UNC80: variants seen among roughly 807,000 people sequenced by gnomAD.
UNC80 encodes the protein unc-80 subunit of NALCN channel complex.
Under a neutral mutation model 384.6 loss-of-function variants are expected in UNC80, and 164 were observed. That is an observed-to-expected ratio of 0.43 (90% CI 0.38 to 0.49). The LOEUF (loss-of-function observed/expected upper bound fraction) is 0.49. UNC80 is among the 20% of genes least tolerant of loss of function. UNC80 has a pLI of 0.00. For missense variants in UNC80, 3,330 were observed against 4,143.0 expected (o/e 0.80, Z 5.39); for synonymous variants, 1,486 against 1,527.8 (o/e 0.97, Z 0.64).
chr2:209,976,306 G>A lies in UNC80; in HGVS notation c.8772+3G>A, dbSNP rs2093011922. On this transcript the variant is annotated splice_donor_region_variant and intron_variant, in intron 57 of 64. Coordinates refer to ENST00000673920, the MANE Select transcript of UNC80 (RefSeq NM_001371986.1). This position sits in a 1 kb window ranked among gnomAD's most constrained non-coding sequence, Gnocchi z 4.3. ...TGCGCCCTTTCATCCAGTGCAAGGT[G>A]TGGTGTGTGCTTCTCCTCCTGAAAG... is the stretch of plus-strand genomic sequence containing the variant. The A allele has an allele frequency of 6.4e-7, 1 of 1,551,658 alleles. No homozygotes were observed. The highest frequency in any genetic ancestry group is 8.7e-7 in the Non-Finnish European group (1 of 1,147,026).
intron 22 of UNC80, among the ~76,000 whole-genome samples, chr2:209,856,712 G>C (rs1172469819): frequency 6.6e-6 from 1 of 151,742 alleles, no homozygotes; most frequent in Non-Finnish European, 1.5e-5. Flanking sequence ...TCAAATGTCA[G>C]GTGTCCTTAT....
chr2:209,829,737 G>A (rs1337981127), intron 15 of UNC80, among the ~76,000 whole-genome samples: 48 of 152,044 alleles, frequency 3.2e-4, no homozygotes, highest in Admixed American at 3.0e-3. Context: ...TTAGTTCAAC[G>A]GATGTGAAAT....
intron 18 of UNC80, among the ~76,000 whole-genome samples, chr2:209,836,580 T>C (rs961094654): frequency 6.6e-6 from 1 of 152,232 alleles, no homozygotes; most frequent in Admixed American, 6.5e-5. Flanking sequence ...CATGTTTCAA[T>C]ATGCCTCTAC....
At chr2:209,969,487 C>G (rs911415199) in intron 52 of UNC80, 1 of 429,226 alleles carries the variant, frequency 2.3e-6, no homozygotes, top group Non-Finnish European at 4.2e-6. Flanking sequence ...AGTCTTAGGA[C>G]CCTCTGTCAA....
chr2:209,976,772 C>A lies in UNC80; in HGVS notation c.8773-141C>A. 1 of 930,144 alleles carries A rather than the reference C, an allele frequency of 1.1e-6. No homozygotes were observed. Among genetic ancestry groups the A allele is most frequent in the Non-Finnish European group, 1.6e-6 (1 of 644,320 alleles). 57.6% of individuals were successfully genotyped at this position (930,144 alleles called of 1,614,324 possible). A position where few individuals can be genotyped will look rare whatever the true frequency, so the allele number is the denominator to read the frequency against. On this transcript the variant is annotated intron_variant, in intron 57 of 64. Transcript: ENST00000673920. This position sits in a 1 kb window ranked among gnomAD's most constrained non-coding sequence, Gnocchi z 4.3. Reference sequence around the variant, plus strand: ...GATTTAAAACGATGTAATTATTAAGCACTTCCTGTGTAAAGTGCCGTTCTA... The same window carrying A: ...GATTTAAAACGATGTAATTATTAAGAACTTCCTGTGTAAAGTGCCGTTCTA...
chr2:209,796,304 A>G (rs573417190), intron 7 of UNC80: 2 of 152,190 alleles, frequency 1.3e-5, no homozygotes, highest in Admixed American at 1.3e-4. Flanking sequence ...CTGTACCCCC[A>G]TTGTATCTAG....
intron 61 of UNC80, among the ~76,000 whole-genome samples, chr2:209,991,443 A>C (rs527313734): frequency 1.5e-4 from 23 of 152,260 alleles, no homozygotes; most frequent in Non-Finnish European, 2.4e-4. Context: ...CATTTTTTGC[A>C]TACAAAAGAC....
chr2:209,793,326 A>G (rs1468339712), intron 6 of UNC80, among the ~76,000 whole-genome samples: 7 of 152,210 alleles, frequency 4.6e-5, no homozygotes, highest in Admixed American at 3.9e-4. Context: ...TCTGGCTTCA[A>G]TCTGATTAGG....
chr2:209,850,287 T>G (rs1263656329), intron 22 of UNC80, among the ~76,000 whole-genome samples: 1 of 152,138 alleles, frequency 6.6e-6, no homozygotes, highest in Non-Finnish European at 1.5e-5. Flanking sequence ...TTTATTTATC[T>G]TTATTTATAA....
At chr2:209,877,699 CTT>C (rs2084905668) in intron 23 of UNC80, among the ~76,000 whole-genome samples, 1 of 152,090 alleles carries the variant, frequency 6.6e-6, no homozygotes, top group Non-Finnish European at 1.5e-5. Context: ...TTCAGAAAAA[CTT>C]TTGTACAAAT....
At chr2:209,992,777 C>G (rs1370121791) in intron 62 of UNC80, among the ~76,000 whole-genome samples, 1 of 152,184 alleles carries the variant, frequency 6.6e-6, no homozygotes. Context: ...TTTCTCATTT[C>G]AAGATTATTT....
At chr2:209,909,854 G>C (rs1326785820) in intron 29 of UNC80, among the ~76,000 whole-genome samples, 1 of 151,980 alleles carries the variant, frequency 6.6e-6, no homozygotes, top group Non-Finnish European at 1.5e-5. Context: ...GACAGAGCAT[G>C]AGGCTGCATA....
intron 45 of UNC80, 107 bp from the exon 46 acceptor site, chr2:209,944,944 A>AT (rs2091841399): frequency 8.0e-7 from 1 of 1,254,250 alleles, no homozygotes; most frequent in African/African-American, 1.5e-5. Context: ...TTCCAGGTAG[A>AT]TGTTGTACTT....
At chr2:209,935,237 C>A (rs150943565) in intron 39 of UNC80, among the ~76,000 whole-genome samples, 205 of 152,206 alleles carry the variant, frequency 1.3e-3, no homozygotes, top group African/African-American at 4.7e-3. Context: ...TTCTCTTTTT[C>A]CTCATTTGTA....
intron 4 of UNC80, among the ~76,000 whole-genome samples, chr2:209,778,425 CT>C (rs2153824735): frequency 6.6e-6 from 1 of 152,204 alleles, no homozygotes; most frequent in South Asian, 2.1e-4. Context: ...TAAGTTTTAA[CT>C]TTTTATGTTC....
chr2:209,995,393 C>T lies in UNC80; in HGVS notation c.9773C>T (p.Ala3258Val), dbSNP rs1183843096. ...EEDTEAQGAT[A>V]HSPLSAQLSD... ...GACACAGAAGCACAAGGTGCTACTG[C>T]ACACAGTCCACTCTCTGCCCAACTC... The change falls in exon 65 of 65, where the codon GCA becomes GTA. Residue 3258 changes from alanine (A) to valine (V), a missense_variant. Ala to Val is a moderately conservative substitution (Grantham distance 64). Coordinates refer to ENST00000673920, the MANE Select transcript of UNC80 (RefSeq NM_001371986.1). 2 of 1,552,048 alleles carry T rather than the reference C, an allele frequency of 1.3e-6. No homozygotes were observed. The highest frequency in any genetic ancestry group is 2.4e-5 in the East Asian group (1 of 40,918).
At chr2:209,974,359 A>G (rs763585001) in intron 56 of UNC80, among the ~76,000 whole-genome samples, 9 of 152,256 alleles carry the variant, frequency 5.9e-5, no homozygotes, top group Non-Finnish European at 1.2e-4. Flanking sequence ...ATACAAAAGT[A>G]GAATTCAAAT....
At chr2:209,924,113 G>A (rs949311511) in intron 35 of UNC80, among the ~76,000 whole-genome samples, 3 of 151,846 alleles carry the variant, frequency 2.0e-5, no homozygotes, top group African/African-American at 7.3e-5. Context: ...GCTTCCTCAG[G>A]GTTAGTTTAT....
chr2:209,984,933 G>A, intron 61 of UNC80, 21 bp downstream of exon 61: 4 of 1,543,662 alleles, frequency 2.6e-6, no homozygotes, highest in Non-Finnish European at 3.5e-6. Context: ...AATGCTACCT[G>A]TCTATTGGTG....
Sources: gnomAD v4.1 joint callset for allele counts (sites outside exome capture counted in the v4.1 genomes callset) on GRCh38, gnomAD v4.1.1 for gene constraint, Gnocchi (gnomAD v3.1) non-coding constraint, MANE v1.5 for transcripts, NCBI Gene and HGNC (gene_info 2026-07-23, HGNC 2026-07-21) for gene names.